SQOR: variants seen among roughly 807,000 people sequenced by gnomAD.
SQOR encodes sulfide quinone oxidoreductase, also known as sulfide:quinone oxidoreductase, mitochondrial.
SQOR carries 39 observed loss-of-function variants against 48.6 expected under a neutral mutation model. The observed-to-expected ratio is 0.80, with a 90% CI of 0.62 to 1.05. The LOEUF is 1.05. SQOR is among the 50% of genes least tolerant of loss of function. The pLI is 0.00. For missense variants in SQOR, 561 were observed against 559.9 expected (o/e 1.00, Z -0.02); for synonymous variants, 220 against 206.2 (o/e 1.07, Z -0.57).
intron 1 of SQOR, among the ~76,000 whole-genome samples, chr15:45,655,998 TTC>T (rs1291511031): frequency 2.7e-5 from 4 of 149,340 alleles, no homozygotes; most frequent in Admixed American, 6.7e-5. Context: ...TTTTTTTTTT[TTC>T]CCCGTTTAAC....
chr15:45,647,798 C>T (rs1641835665), intron 1 of SQOR, among the ~76,000 whole-genome samples: 1 of 152,056 alleles, frequency 6.6e-6, no homozygotes. Flanking sequence ...TGCCTGTAAT[C>T]CCAGCTACTC....
intron 3 of SQOR, among the ~76,000 whole-genome samples, chr15:45,665,917 T>C (rs1889808692): frequency 6.6e-6 from 1 of 152,120 alleles, no homozygotes; most frequent in Non-Finnish European, 1.5e-5. Context: ...TCCCACCTTA[T>C]TGGTGAAAGA....
At chr15:45,645,892 T>A (rs562903521) in intron 1 of SQOR, 1 of 152,356 alleles carries the variant, frequency 6.6e-6, no homozygotes, top group East Asian at 1.9e-4. Context: ...CAGGGAGTTT[T>A]CCCATGTTCC....
chr15:45,668,704 G>A (rs917154470), intron 3 of SQOR, among the ~76,000 whole-genome samples: 5 of 152,270 alleles, frequency 3.3e-5, no homozygotes, highest in African/African-American at 7.2e-5. Context: ...CGATTCGCTC[G>A]GGTTGCTTGC....
chr15:45,691,103 C>A lies in SQOR; in HGVS notation c.*73C>A. The A allele has an allele frequency of 1.5e-6, 2 of 1,326,522 alleles. No homozygotes were observed. Among genetic ancestry groups the A allele is most frequent in the Non-Finnish European group, 2.2e-6 (2 of 917,460 alleles). 82.2% of individuals were successfully genotyped at this position (1,326,522 alleles called of 1,614,324 possible). On this transcript the variant is annotated 3_prime_UTR_variant, in exon 10 of 10. Coordinates refer to ENST00000260324, the MANE Select transcript of SQOR (RefSeq NM_021199.4). ...GCAGTCACTGAATGACCAAGAGCAG[C>A]ACGAAGGACTTGGAACCTATCCTTG...
rs1890278463 is a variant in SQOR, at chr15:45,689,229, G to C, written c.1295+12G>C. ...AATATGATGCTAAGGTAAGTGCACT[G>C]CCTGGTTCCTGGATGAGGAAAGGGA... On this transcript the variant is annotated intron_variant, in intron 9 of 9. Coordinates refer to ENST00000260324, the MANE Select transcript of SQOR (RefSeq NM_021199.4). The C allele has an allele frequency of 6.2e-7, 1 of 1,612,430 alleles. No homozygotes were observed. Among genetic ancestry groups the C allele is most frequent in the Admixed American group, 1.7e-5 (1 of 59,818 alleles).
At chr15:45,640,400 C>T (rs976661140) in intron 1 of SQOR, among the ~76,000 whole-genome samples, 8 of 152,094 alleles carry the variant, frequency 5.3e-5, no homozygotes, top group African/African-American at 1.9e-4. Flanking sequence ...CCTAGCACTC[C>T]CTGGACTGTG....
Position 45,691,029 on chromosome 15 carries a change from A to G in SQOR, c.1352A>G (p.Ter451=). ...AAGTTGTTTCATCTAGGTATGAGTTAAGGATGGCTCAGCACTTGCTCATCT... is the reference window on the plus strand; with the variant it reads ...AAGTTGTTTCATCTAGGTATGAGTTGAGGATGGCTCAGCACTTGCTCATCT... ...LRKLFHLGMS[*] is the part of the protein sequence containing the mutation. Residue 451 remains the stop codon, a stop_retained_variant, in exon 10 of 10, where the codon TAA becomes TGA. Coordinates refer to ENST00000260324, the MANE Select transcript of SQOR (RefSeq NM_021199.4). The G allele has an allele frequency of 6.2e-7, 1 of 1,614,042 alleles. No individual in the cohort carries two copies.
intron 1 of SQOR, among the ~76,000 whole-genome samples, chr15:45,655,575 C>T (rs1889587191): frequency 6.6e-6 from 1 of 151,198 alleles, no homozygotes; most frequent in African/African-American, 2.4e-5. Context: ...AAAGTACATA[C>T]AAAGAAGAGG....
intron 1 of SQOR, among the ~76,000 whole-genome samples, chr15:45,644,149 G>A (rs1189723323): frequency 6.6e-6 from 1 of 151,876 alleles, no homozygotes; most frequent in African/African-American, 2.4e-5. Context: ...GTGCAGTGAC[G>A]CGATCTCGGC....
chr15:45,655,888 T>C (rs548302264), intron 1 of SQOR, among the ~76,000 whole-genome samples: 2 of 152,154 alleles, frequency 1.3e-5, no homozygotes, highest in Admixed American at 6.5e-5. Context: ...GATTTCACCA[T>C]GTTGGCCAGG....
chr15:45,650,813 C>T (rs898884341), intron 1 of SQOR, among the ~76,000 whole-genome samples: 10 of 152,176 alleles, frequency 6.6e-5, no homozygotes, highest in Non-Finnish European at 1.5e-4. Flanking sequence ...TCTACAATCC[C>T]TTAGCTAGAC....
intron 1 of SQOR, among the ~76,000 whole-genome samples, chr15:45,653,602 G>A (rs1889538197): frequency 6.6e-6 from 1 of 152,130 alleles, no homozygotes; most frequent in Non-Finnish European, 1.5e-5. Flanking sequence ...AAGGTTAGAG[G>A]TGGGGCTGAG....
intron 1 of SQOR, among the ~76,000 whole-genome samples, chr15:45,645,267 G>A (rs1895183981): frequency 6.6e-6 from 1 of 152,186 alleles, no homozygotes; most frequent in African/African-American, 2.4e-5. Flanking sequence ...CCAAAGTCAT[G>A]CTAATCAGGT....
At chr15:45,668,191 G>T (rs1021297708) in intron 3 of SQOR, among the ~76,000 whole-genome samples, 1 of 151,884 alleles carries the variant, frequency 6.6e-6, no homozygotes, top group Admixed American at 6.6e-5. Context: ...TGATCCACCC[G>T]CCTCAGCCTC....
Position 45,682,670 on chromosome 15 carries a change from A to G in SQOR, c.1048+9A>G. 6.2e-7 allele frequency: 1 copy of G among 1,612,494 alleles called. No homozygotes were observed. Among genetic ancestry groups the G allele is most frequent in the Non-Finnish European group, 8.5e-7 (1 of 1,178,712 alleles). ...GACCGCTGCTGCAGTAGGTAAGTCA[A>G]CCAGCTCCATTTCTCCCTTTCTCAA... On this transcript the variant is annotated intron_variant, in intron 7 of 9. Coordinates refer to ENST00000260324, the MANE Select transcript of SQOR (RefSeq NM_021199.4).
At chr15:45,651,464 G>T (rs562819297) in intron 1 of SQOR, among the ~76,000 whole-genome samples, 13 of 152,386 alleles carry the variant, frequency 8.5e-5, no homozygotes, top group Admixed American at 6.5e-4. Context: ...CAGCGCAGTG[G>T]CGGCCTGAAG....
At chr15:45,643,379 TA>T (rs1895139604) in intron 1 of SQOR, among the ~76,000 whole-genome samples, 1 of 152,160 alleles carries the variant, frequency 6.6e-6, no homozygotes, top group Non-Finnish European at 1.5e-5. Flanking sequence ...GTATTTTTAA[TA>T]CAGATAGGGT....
In SQOR at chr15:45,682,788, G is replaced by T. The variant is rs951889236; in HGVS notation, c.1048+127G>T. ...CCTGCCTGTAATCCCAGCACTTTGG[G>T]AGACTCAGGCAGGCAGGTCATTTGA... On this transcript the variant is annotated intron_variant, in intron 7 of 9. Coordinates refer to ENST00000260324, the MANE Select transcript of SQOR (RefSeq NM_021199.4). 2.0e-5 allele frequency: 22 copies of T among 1,114,338 alleles called. No homozygotes were observed. In the Admixed American group the frequency reaches 3.2e-4, roughly 16 times the overall value. 69.0% of individuals were successfully genotyped at this position (1,114,338 alleles called of 1,614,324 possible).
Sources: gnomAD v4.1 joint callset for allele counts (sites outside exome capture counted in the v4.1 genomes callset) on GRCh38, gnomAD v4.1.1 for gene constraint, MANE v1.5 for transcripts, NCBI Gene and HGNC (gene_info 2026-07-23, HGNC 2026-07-21) for gene names.